The following AP1B1 variants were observed in gnomAD, a reference collection of about 807,000 sequenced individuals.
The protein encoded by AP1B1 is adaptor related protein complex 1 subunit beta 1.
A neutral mutation model predicts 104.3 loss-of-function variants in AP1B1; 36 were observed. The ratio of observed to expected loss-of-function variants is 0.35; its 90% CI spans 0.26 to 0.46. The LOEUF is 0.46. AP1B1 is among the 20% of genes least tolerant of loss of function. The probability of loss-of-function intolerance (pLI) is 1.00; values close to 1 mark genes in which losing one functional copy is unlikely to be tolerated. For synonymous variants in AP1B1, 504 were observed against 517.5 expected, an observed-to-expected ratio of 0.97 and a Z score of 0.35; for missense variants, 901 against 1,247.9, an observed-to-expected ratio of 0.72 and a Z score of 4.19.
At chr22:29,375,296 G>C (rs916284937) in intron 1 of AP1B1, among the ~76,000 whole-genome samples, 1 of 144,672 alleles carries the variant, frequency 6.9e-6, no homozygotes, top group Non-Finnish European at 1.5e-5. Flanking sequence ...GTTGTAGTGA[G>C]GTGAGACTGT....
Position 29,328,268 on chromosome 22 carries a change from TG to T in AP1B1, c.*552del, listed in dbSNP as rs1325829825. 6.5e-6 allele frequency: 1 copy of T among 152,872 alleles called. No homozygotes were observed. Among genetic ancestry groups the T allele is most frequent in the African/African-American group, 2.4e-5 (1 of 41,422 alleles). 9.5% of individuals were successfully genotyped at this position (152,872 alleles called of 1,614,324 possible). ...CACCAGCCTGGTGGTTGCAAGTGGG[TG>T]GTGCAGGCCCTGGGCTCCTCCCAGC... is the stretch of plus-strand genomic sequence containing the variant. On this transcript the variant is annotated 3_prime_UTR_variant, in exon 23 of 23. Transcript: ENST00000357586. This position sits in a 1 kb window ranked among gnomAD's most constrained non-coding sequence, Gnocchi z 4.1.
chr22:29,385,656 T>C (rs2062510607), intron 1 of AP1B1, among the ~76,000 whole-genome samples: 1 of 152,204 alleles, frequency 6.6e-6, no homozygotes, highest in African/African-American at 2.4e-5. Context: ...TTCCTCTCCA[T>C]GTGAAGACAT....
intron 1 of AP1B1, among the ~76,000 whole-genome samples, chr22:29,368,999 A>G (rs2062188200): frequency 6.6e-6 from 1 of 152,036 alleles, no homozygotes; most frequent in Non-Finnish European, 1.5e-5. Flanking sequence ...CTGTAGTTTT[A>G]TGTGGTATAG....
Position 29,330,368 on chromosome 22 carries a change from G to A in AP1B1, c.2766+10C>T. On this transcript the variant is annotated intron_variant, in intron 21 of 22. Transcript: ENST00000357586. The stretch of plus-strand genomic sequence containing the variant: ...CTCCAAGGCTGCAGGGCGGGTGCCG[G>A]GGCTCTCACCGTGCAGCTGGGGTTG... The A allele has an allele frequency of 1.9e-6, 3 of 1,612,806 alleles. No individual in the cohort carries two copies. The highest frequency in any genetic ancestry group is 2.5e-6 in the Non-Finnish European group (3 of 1,179,644).
chr22:29,332,054 C>T (rs1327361555), intron 17 of AP1B1, 138 bp from the exon 18 acceptor site: 1 of 879,046 alleles, frequency 1.1e-6, no homozygotes, highest in East Asian at 2.7e-5. Context: ...TGTTCTGGAC[C>T]CTGGACAGAA....
At chr22:29,364,918 C>T (rs534064299) in intron 2 of AP1B1, among the ~76,000 whole-genome samples, 10 of 151,102 alleles carry the variant, frequency 6.6e-5, no homozygotes, top group South Asian at 2.1e-4. Flanking sequence ...CATGTTGGCC[C>T]GGCTGGTCTC....
chr22:29,350,016 T>G lies in AP1B1; in HGVS notation c.1271+19A>C. ...CAGGCAGAGCTAGATGCCCTCTCCCTAGGAGGGCGGGCACGCACTTGTTGG... is the reference window on the plus strand; with the variant it reads ...CAGGCAGAGCTAGATGCCCTCTCCCGAGGAGGGCGGGCACGCACTTGTTGG... On this transcript the variant is annotated intron_variant, in intron 10 of 22. Transcript: ENST00000357586. The G allele has an allele frequency of 1.3e-6, 2 of 1,587,048 alleles. No homozygotes were observed. Among genetic ancestry groups the G allele is most frequent in the Non-Finnish European group, 1.7e-6 (2 of 1,155,344 alleles).
intron 3 of AP1B1, among the ~76,000 whole-genome samples, 181 bp downstream of exon 3, chr22:29,362,820 C>T (rs1373291007): frequency 6.6e-6 from 1 of 152,122 alleles, no homozygotes; most frequent in Non-Finnish European, 1.5e-5. Context: ...CTGTCAGTGT[C>T]TGGGCTCATG....
chr22:29,377,994 ACT>A (rs980891002), intron 1 of AP1B1, among the ~76,000 whole-genome samples: 1 of 151,924 alleles, frequency 6.6e-6, no homozygotes, highest in African/African-American at 2.4e-5. Context: ...CACATGTCCC[ACT>A]CTGTCCAGCA....
At chr22:29,352,987 C>T (rs948364259) in intron 7 of AP1B1, among the ~76,000 whole-genome samples, 17 of 152,186 alleles carry the variant, frequency 1.1e-4, no homozygotes, top group African/African-American at 3.4e-4. Flanking sequence ...CATTGTTCCT[C>T]CCTCAAAGGC....
At chr22:29,375,872 A>G (rs1228339757) in intron 1 of AP1B1, among the ~76,000 whole-genome samples, 1 of 152,198 alleles carries the variant, frequency 6.6e-6, no homozygotes, top group Non-Finnish European at 1.5e-5. Context: ...AGCCTGGCTC[A>G]TTTCACTATG....
intron 16 of AP1B1, among the ~76,000 whole-genome samples, chr22:29,338,340 C>G (rs1261665485): frequency 6.6e-6 from 1 of 152,240 alleles, no homozygotes; most frequent in African/African-American, 2.4e-5. Context: ...ACTGGCCAAA[C>G]CATTCACGGG....
chr22:29,368,877 A>C (rs1228999207), intron 1 of AP1B1, among the ~76,000 whole-genome samples: 3 of 151,936 alleles, frequency 2.0e-5, no homozygotes, highest in Non-Finnish European at 4.4e-5. Flanking sequence ...CAGTGAGCTG[A>C]GACTGTGCCA....
At chr22:29,330,273 C>T in intron 21 of AP1B1, 105 bp downstream of exon 21, 1 of 1,550,868 alleles carries the variant, frequency 6.4e-7, no homozygotes. Flanking sequence ...CTAGTTCAAG[C>T]CAGGCTTGAA....
At chr22:29,380,239 G>C (rs562544649) in intron 1 of AP1B1, among the ~76,000 whole-genome samples, 1 of 152,104 alleles carries the variant, frequency 6.6e-6, no homozygotes, top group Non-Finnish European at 1.5e-5. Flanking sequence ...CACTGTCTGC[G>C]CCTTCTCAGT....
chr22:29,349,009 C>T (rs1281681944), intron 11 of AP1B1, among the ~76,000 whole-genome samples: 5 of 152,236 alleles, frequency 3.3e-5, no homozygotes, highest in African/African-American at 9.6e-5. Context: ...CTGCCTTCCA[C>T]GCACACCACC....
chr22:29,331,513 G>A lies in AP1B1; in HGVS notation c.2460C>T (p.Ile820=), dbSNP rs768417628. 8.1e-6 allele frequency: 13 copies of A among 1,614,068 alleles called. No homozygotes were observed. In the Admixed American group the frequency reaches 8.3e-5, roughly 10 times the overall value. Residue 820 remains isoleucine, a synonymous_variant, in exon 19 of 23, where the codon ATC becomes ATT. Transcript: ENST00000357586. ...NNLQVAVKNN[I]DVFYFSTLYP... is the part of the protein sequence containing the mutation. ...ACAAGGTGCTGAAGTAGAAGACATC[G>A]ATGTTGTTCTTCACGGCCACCTAGG...
intron 17 of AP1B1, 87 bp from the exon 18 acceptor site, chr22:29,332,003 C>T: frequency 7.3e-7 from 1 of 1,377,186 alleles, no homozygotes; most frequent in Admixed American, 2.1e-5. Context: ...GGAGCTGGGG[C>T]TGTGGTTGGC....
chr22:29,383,603 G>A (rs1306190262), intron 1 of AP1B1, among the ~76,000 whole-genome samples: 2 of 150,064 alleles, frequency 1.3e-5, no homozygotes, highest in Non-Finnish European at 2.9e-5. Context: ...CAGCTACTCA[G>A]GAGGCTGAAG....
Sources: allele counts gnomAD v4.1 joint callset (sites outside exome capture counted in the v4.1 genomes callset), GRCh38; gene constraint gnomAD v4.1.1; non-coding constraint Gnocchi (gnomAD v3.1); transcripts MANE v1.5; gene names NCBI Gene and HGNC (gene_info 2026-07-23, HGNC 2026-07-21).